Variants in HMGB1 observed in about 807,000 individuals in gnomAD.
The protein encoded by HMGB1 is high mobility group box 1.
For synonymous variants in HMGB1, 81 were observed against 84.0 expected (o/e 0.96, Z 0.19); for missense variants, 79 against 253.5 (o/e 0.31, Z 4.67).
rs1886278361 is a variant in HMGB1, at chr13:30,460,854, C to A, written c.*503G>T. 2 of 214,526 alleles carry A rather than the reference C, an allele frequency of 9.3e-6. No individual in the cohort carries two copies. Among genetic ancestry groups the A allele is most frequent in the Admixed American group, 6.5e-5 (1 of 15,282 alleles). 13.3% of individuals were successfully genotyped at this position (214,526 alleles called of 1,614,324 possible). On this transcript the variant is annotated 3_prime_UTR_variant, in exon 5 of 5. Coordinates refer to ENST00000341423, the MANE Select transcript of HMGB1 (RefSeq NM_002128.7). ...CAAAAGCAAAAGACTAGCTTCCCCT[C>A]AAGAAGAAAAATTTCAGACCTATGA...
In HMGB1 at chr13:30,538,549, C is replaced by CCTTTCTTTCTT. The variant is rs1868615995; in HGVS notation, c.-14-74856_-14-74855insAAGAAAGAAAG. On this transcript the variant is annotated intron_variant, in intron 1 of 4. Transcript: ENST00000405805. ...CTTTCTTTCTTTCCTTTCTTTCTTT[C>CCTTTCTTTCTT]TTTCTTTTTCTTTCTTCTTTTTCTT... 3.6e-4 allele frequency among the ~76,000 whole-genome samples: 28 copies of CCTTTCTTTCTT among 78,792 alleles called. 5 individuals are homozygous for CCTTTCTTTCTT. The highest frequency in any genetic ancestry group is 6.1e-4 in the Non-Finnish European group (27 of 44,368). 51.7% of individuals were successfully genotyped at this position (78,792 alleles called of 152,430 possible).
At chr13:30,462,417 T>TTGA in intron 4 of HMGB1, 121 bp downstream of exon 4, 1 of 838,746 alleles carries the variant, frequency 1.2e-6, no homozygotes, top group South Asian at 1.3e-5. Context: ...GGATGAGGAC[T>TTGA]TATATCAACA....
intron 1 of HMGB1, among the ~76,000 whole-genome samples, chr13:30,465,576 G>A (rs569870697): frequency 1.3e-5 from 2 of 150,986 alleles, no homozygotes; most frequent in South Asian, 4.2e-4. Context: ...CGGGGCTCCC[G>A]GCGCCTCAGG....
chr13:30,465,822 T>C lies in HMGB1; in HGVS notation c.-41A>G, dbSNP rs1219823774. ...CTCAGCGAGGCACAGAGTCGCCCAGTGCCCGTCCGGCTCTCACTTGCCCCG... is the reference window on the plus strand; with the variant it reads ...CTCAGCGAGGCACAGAGTCGCCCAGCGCCCGTCCGGCTCTCACTTGCCCCG... On this transcript the variant is annotated 5_prime_UTR_variant, in exon 1 of 5. Transcript: ENST00000341423. 10 of 985,486 alleles carry C rather than the reference T, an allele frequency of 1.0e-5. No individual in the cohort carries two copies. The highest frequency in any genetic ancestry group is 1.1e-5 in the Non-Finnish European group (9 of 829,760). The allele number at this position is 985,486 out of a possible 1,614,324, so 61.0% of individuals were successfully genotyped here. A position where few individuals can be genotyped will look rare whatever the true frequency, so the allele number is the denominator to read the frequency against.
intron 1 of HMGB1, among the ~76,000 whole-genome samples, chr13:30,539,275 T>A (rs1868749960): frequency 6.6e-6 from 1 of 152,242 alleles, no homozygotes; most frequent in South Asian, 2.1e-4. Context: ...ACATTTTGTT[T>A]TGAGATGGCA....
intron 1 of HMGB1, among the ~76,000 whole-genome samples, chr13:30,472,237 C>T (rs930056302): frequency 1.3e-5 from 2 of 152,070 alleles, no homozygotes; most frequent in Non-Finnish European, 2.9e-5. Context: ...GGAGACTACA[C>T]CAGAGTGCCA....
Position 30,504,795 on chromosome 13 carries a change from A to C in HMGB1, c.-14-41101T>G, listed in dbSNP as rs556705313. 4.0e-5 allele frequency among the ~76,000 whole-genome samples: 6 copies of C among 151,052 alleles called. No individual in the cohort carries two copies. The South Asian group carries it at 1.2e-3, about 31-fold the overall frequency. The stretch of plus-strand genomic sequence containing the variant: ...TAATACCAGATAATACTGGCCAAAG[A>C]CTGGAGTTGGAGGTGAGAGAACGAA... On this transcript the variant is annotated intron_variant, in intron 1 of 4. Transcript: ENST00000405805.
intron 1 of HMGB1, among the ~76,000 whole-genome samples, chr13:30,477,625 C>T (rs141291026): frequency 1.1e-4 from 16 of 152,330 alleles, no homozygotes; most frequent in African/African-American, 3.4e-4. Flanking sequence ...AACAGCATTC[C>T]AGGCCAGAGA....
chr13:30,461,381 T>C lies in HMGB1; in HGVS notation c.624A>G (p.Glu208=). The C allele has an allele frequency of 6.4e-7, 1 of 1,564,240 alleles. No individual in the cohort carries two copies. Among genetic ancestry groups the C allele is most frequent in the East Asian group, 2.2e-5 (1 of 44,644 alleles). ...CTTATTCATCATCATCATCTTCTTC[T>C]TCATCTTCATCTTCTTCATCTTCCT... ...EEEEDEEDED[E]EEDDDDE The change falls in exon 5 of 5, where the codon GAA becomes GAG. Residue 208 remains glutamate, a synonymous_variant. Coordinates refer to ENST00000341423, the MANE Select transcript of HMGB1 (RefSeq NM_002128.7).
intron 1 of HMGB1, among the ~76,000 whole-genome samples, chr13:30,570,630 G>T (rs994075194): frequency 1.3e-5 from 2 of 152,180 alleles, no homozygotes; most frequent in African/African-American, 4.8e-5. Flanking sequence ...CAGCTTTCTT[G>T]TTTAAGCACT....
At chr13:30,554,340 G>A in intron 1 of HMGB1, 3 of 890,664 alleles carry the variant, frequency 3.4e-6, no homozygotes. Flanking sequence ...GGGTGCACGG[G>A]CACCTTCTCT....
chr13:30,466,453 T>G (rs1411654794), upstream of HMGB1, among the ~76,000 whole-genome samples: 1 of 152,176 alleles, frequency 6.6e-6, no homozygotes, highest in African/African-American at 2.4e-5. Flanking sequence ...CCGCCGAGCC[T>G]CGAGCCCCTC....
intron 1 of HMGB1, among the ~76,000 whole-genome samples, chr13:30,512,771 C>A (rs143373282): frequency 6.6e-6 from 1 of 152,220 alleles, no homozygotes; most frequent in East Asian, 1.9e-4. Context: ...GTAAACTGAC[C>A]GAGGTAAATG....
At chr13:30,544,504 C>T (rs1210771229) in intron 1 of HMGB1, among the ~76,000 whole-genome samples, 1 of 152,198 alleles carries the variant, frequency 6.6e-6, no homozygotes, top group Non-Finnish European at 1.5e-5. Flanking sequence ...TGTAGTCCAT[C>T]ATGCCTATGT....
At chr13:30,610,899 A>G (rs1274812440) in intron 1 of HMGB1, among the ~76,000 whole-genome samples, 1 of 152,186 alleles carries the variant, frequency 6.6e-6, no homozygotes, top group East Asian at 1.9e-4. Flanking sequence ...TGGCTTAAAA[A>G]TCTTTTTAAA....
chr13:30,484,164 C>A (rs148619442), intron 1 of HMGB1, among the ~76,000 whole-genome samples: 3 of 152,064 alleles, frequency 2.0e-5, no homozygotes, highest in African/African-American at 7.2e-5. Context: ...TCCCTTGGTA[C>A]CCCCCATCCC....
At chr13:30,582,042 G>C (rs1330662678) in intron 1 of HMGB1, among the ~76,000 whole-genome samples, 7 of 152,118 alleles carry the variant, frequency 4.6e-5, no homozygotes, top group Admixed American at 3.9e-4. Context: ...GTGAACAAAT[G>C]GGCACTAAAA....
intron 1 of HMGB1, among the ~76,000 whole-genome samples, chr13:30,592,982 A>T (rs1871434256): frequency 6.6e-6 from 1 of 152,076 alleles, no homozygotes; most frequent in Non-Finnish European, 1.5e-5. Context: ...TCTGAAAGGG[A>T]TTGCCTTTAC....
intron 1 of HMGB1, among the ~76,000 whole-genome samples, chr13:30,599,662 CTCTG>C (rs1871775005): frequency 1.3e-5 from 2 of 152,252 alleles, no homozygotes; most frequent in East Asian, 3.9e-4. Flanking sequence ...ATAGCTGTCC[CTCTG>C]TCTGTTTCTG....
Sources: allele counts gnomAD v4.1 joint callset (sites outside exome capture counted in the v4.1 genomes callset), GRCh38; gene constraint gnomAD v4.1.1; transcripts MANE v1.5; gene names NCBI Gene and HGNC (gene_info 2026-07-23, HGNC 2026-07-21).